The following SLC35F6 variants were observed in gnomAD, a reference collection of about 807,000 sequenced individuals.
The protein encoded by SLC35F6 is solute carrier family 35 member F6, also known as ANT2-binding protein.
In SLC35F6, 26 loss-of-function variants were observed where a neutral mutation model predicts 29.4. The observed-to-expected ratio is 0.89, with a 90% confidence interval of 0.65 to 1.23. SLC35F6 has a LOEUF of 1.23. Ranked by LOEUF, SLC35F6 falls within the 50% of genes most tolerant of loss-of-function variation. The pLI is 0.00. For synonymous variants in SLC35F6, 174 were observed against 206.6 expected, an observed-to-expected ratio of 0.84 and a Z score of 1.35; for missense variants, 428 against 487.8, an observed-to-expected ratio of 0.88 and a Z score of 1.15.
intron 1 of SLC35F6, among the ~76,000 whole-genome samples, chr2:26,773,684 C>T (rs1664244168): frequency 6.6e-6 from 1 of 150,418 alleles, no homozygotes; most frequent in African/African-American, 2.5e-5. Flanking sequence ...GCAATATCGG[C>T]TCACTGCAGC....
At position 26,779,857 on chromosome 2, in the gene SLC35F6, C is replaced by A. The variant is rs892091664; in HGVS notation, c.*1346C>A. 1.5e-5 allele frequency: 2 copies of A among 136,452 alleles called. No individual in the cohort carries two copies. The highest frequency in any genetic ancestry group is 4.5e-4 in the East Asian group (2 of 4,444). 8.5% of individuals were successfully genotyped at this position (136,452 alleles called of 1,614,324 possible). Reference sequence around the variant, plus strand: ...TTTTTTCTTGAGAGACAGGGTCTTGCTCTGTCACCCAGGCACAGCTTACTG... The same window carrying A: ...TTTTTTCTTGAGAGACAGGGTCTTGATCTGTCACCCAGGCACAGCTTACTG... On this transcript the variant is annotated 3_prime_UTR_variant, in exon 6 of 6. Transcript: ENST00000344420.
At chr2:26,771,368 C>A (rs751898126) in intron 1 of SLC35F6, among the ~76,000 whole-genome samples, 1 of 152,214 alleles carries the variant, frequency 6.6e-6, no homozygotes. Flanking sequence ...TCTGATCAAC[C>A]TTCATGGCCT....
rs1664391358 is a variant in SLC35F6, at chr2:26,780,549, A to T, written c.*2038A>T. On this transcript the variant is annotated 3_prime_UTR_variant, in exon 6 of 6. Coordinates refer to ENST00000344420, the MANE Select transcript of SLC35F6 (RefSeq NM_017877.4). The stretch of plus-strand genomic sequence containing the variant: ...TCTTCAGAGGTGGGAACAGATGAAG[A>T]AACCATGCCCCAGAGAAGGTTAAGT... 1 of 152,210 alleles carries T rather than the reference A, an allele frequency of 6.6e-6. No individual in the cohort carries two copies. The highest frequency in any genetic ancestry group is 6.5e-5 in the Admixed American group (1 of 15,280). 9.4% of individuals were successfully genotyped at this position (152,210 alleles called of 1,614,324 possible).
chr2:26,778,173 C>T lies in SLC35F6; in HGVS notation c.778C>T (p.Pro260Ser), dbSNP rs761018960. 20 of 1,614,094 alleles carry T rather than the reference C, an allele frequency of 1.2e-5. No individual in the cohort carries two copies. The East Asian group carries it at 4.5e-4, about 36-fold the overall frequency. ...LDAFCQVGQQ[P>S]LIAVALLGNI... ...CGCCTTCTGCCAGGTGGGCCAGCAG[C>T]CGCTCATTGCCGTGGCACTGCTGGG... Residue 260 changes from proline to serine, a missense_variant, in exon 6 of 6, where the codon CCG (proline) becomes TCG (serine). Transcript: ENST00000344420.
intron 1 of SLC35F6, among the ~76,000 whole-genome samples, chr2:26,769,831 T>G (rs1386797722): frequency 6.6e-6 from 1 of 152,134 alleles, no homozygotes; most frequent in Non-Finnish European, 1.5e-5. Context: ...GAAAATGAGT[T>G]TTGCTGAATA....
In SLC35F6 at chr2:26,764,311, C is replaced by G; in HGVS notation, c.-39C>G. ...GCAGGAGACCCCGGGTGACGGGGCCCGGCGCCGCTAACTGGAGCGAACCCC... is the reference window on the plus strand; with the variant it reads ...GCAGGAGACCCCGGGTGACGGGGCCGGGCGCCGCTAACTGGAGCGAACCCC... On this transcript the variant is annotated 5_prime_UTR_variant, in exon 1 of 6. Transcript: ENST00000344420. The G allele has an allele frequency of 6.5e-7, 1 of 1,546,534 alleles. No homozygotes were observed. Among genetic ancestry groups the G allele is most frequent in the Middle Eastern group, 1.8e-4 (1 of 5,580 alleles).
chr2:26,778,216 CCTTCTTCAACTTCG>C lies in SLC35F6; in HGVS notation c.823_836del (p.Phe275ArgfsTer90), dbSNP rs1664340851. On this transcript the variant is annotated frameshift_variant, in exon 6 of 6. Coordinates refer to ENST00000344420, the MANE Select transcript of SLC35F6 (RefSeq NM_017877.4). LOFTEE classifies it high-confidence loss of function. ...CTGCTGGGCAACATCAGCAGCATTG[CCTTCTTCAACTTCG>C]CAGGCATCAGCGTCACCAAGGAACT... 3 of 1,614,038 alleles carry C rather than the reference CCTTCTTCAACTTCG, an allele frequency of 1.9e-6. No homozygotes were observed. Among genetic ancestry groups the C allele is most frequent in the Admixed American group, 1.7e-5 (1 of 60,000 alleles).
Position 26,765,973 on chromosome 2 carries a change from G to C in SLC35F6, c.77+1547G>C, listed in dbSNP as rs181356092. 3.6e-3 allele frequency among the ~76,000 whole-genome samples: 548 copies of C among 152,350 alleles called. 1 individual carries two copies. The highest frequency in any genetic ancestry group is 3.9e-3 in the Non-Finnish European group (263 of 68,034). ...AGGAGAATCCAGATTGCCAGTTACT[G>C]CTGGGGTAAACTGTGCTGATTCACC... On this transcript the variant is annotated intron_variant, in intron 1 of 5. Coordinates refer to ENST00000344420, the MANE Select transcript of SLC35F6 (RefSeq NM_017877.4).
rs10186142 is a variant in SLC35F6, at chr2:26,780,153, T to C, written c.*1642T>C. The C allele has an allele frequency of 0.37, 55,882 of 151,884 alleles. 10,750 individuals carry two copies. The highest frequency in any genetic ancestry group is 0.47 in the African/African-American group (19,356 of 41,374). 9.4% of individuals were successfully genotyped at this position (151,884 alleles called of 1,614,324 possible). On this transcript the variant is annotated 3_prime_UTR_variant, in exon 6 of 6. Transcript: ENST00000344420. The stretch of plus-strand genomic sequence containing the variant: ...GTTTTCCTGCTCTTACTCTCACCTC[T>C]GAGGCCTCCTCTGCCTGGAAGAGAT...
At chr2:26,776,913 A>G (rs1664311483) in intron 5 of SLC35F6, among the ~76,000 whole-genome samples, 1 of 152,154 alleles carries the variant, frequency 6.6e-6, no homozygotes, top group Admixed American at 6.6e-5. Context: ...AATAATTTTG[A>G]GTGTGGCCAG....
Position 26,775,702 on chromosome 2 carries a change from GC to G in SLC35F6, c.535+27del. The G allele has an allele frequency of 6.5e-7, 1 of 1,537,900 alleles. No homozygotes were observed. The highest frequency in any genetic ancestry group is 8.7e-7 in the Non-Finnish European group (1 of 1,145,248). On this transcript the variant is annotated intron_variant, in intron 4 of 5. Coordinates refer to ENST00000344420, the MANE Select transcript of SLC35F6 (RefSeq NM_017877.4). The surrounding 1 kb of genome is among the most constrained non-coding windows in gnomAD (Gnocchi z 4.6). The stretch of plus-strand genomic sequence containing the variant: ...GTGCGGCCAGGGGCAGGGACACGGG[GC>G]TGCCCTATCCTGCCCTGTCCTCCTT...
rs1342316464 is a variant in SLC35F6, at chr2:26,764,337, A to G, written c.-13A>G. On this transcript the variant is annotated 5_prime_UTR_variant, in exon 1 of 6. Coordinates refer to ENST00000344420, the MANE Select transcript of SLC35F6 (RefSeq NM_017877.4). ...GGCGCCGCTAACTGGAGCGAACCCC[A>G]GCGTCCGCCGACATGGCCTGGACCA... is the stretch of plus-strand genomic sequence containing the variant. 4 of 1,549,610 alleles carry G rather than the reference A, an allele frequency of 2.6e-6. No homozygotes were observed. The highest frequency in any genetic ancestry group is 2.6e-6 in the Non-Finnish European group (3 of 1,146,444).
At chr2:26,767,289 G>T (rs115312034) in intron 1 of SLC35F6, among the ~76,000 whole-genome samples, 2 of 152,226 alleles carry the variant, frequency 1.3e-5, no homozygotes, top group African/African-American at 2.4e-5. Flanking sequence ...CTCTCAGCCA[G>T]CCCAGAGACA....
rs1355874736 is a variant in SLC35F6 at position 26,775,724 on chromosome 2, T to C, written c.535+48T>C. 12 of 1,501,506 alleles carry C rather than the reference T, an allele frequency of 8.0e-6. No individual in the cohort carries two copies. The highest frequency in any genetic ancestry group is 1.1e-5 in the Non-Finnish European group (12 of 1,125,872). 93.0% of individuals were successfully genotyped at this position (1,501,506 alleles called of 1,614,324 possible). On this transcript the variant is annotated intron_variant, in intron 4 of 5. Transcript: ENST00000344420. The surrounding 1 kb of genome is among the most constrained non-coding windows in gnomAD (Gnocchi z 4.6). The stretch of plus-strand genomic sequence containing the variant: ...GGGGCTGCCCTATCCTGCCCTGTCC[T>C]CCTTGGGAGCCCAGCACAGACTCAT...
chr2:26,772,824 C>T (rs1169205425), intron 1 of SLC35F6, among the ~76,000 whole-genome samples: 2 of 152,230 alleles, frequency 1.3e-5, no homozygotes, highest in Non-Finnish European at 2.9e-5. Flanking sequence ...AGAGAATTTT[C>T]ATGCACAGAT....
rs375148795 is a variant in SLC35F6, at chr2:26,764,305, G to T, written c.-45G>T. 7.8e-6 allele frequency: 12 copies of T among 1,545,244 alleles called. 1 individual carries two copies. The Middle Eastern group carries it at 1.3e-3, about 164-fold the overall frequency. ...GCTCGCGCAGGAGACCCCGGGTGAC[G>T]GGGCCCGGCGCCGCTAACTGGAGCG... On this transcript the variant is annotated 5_prime_UTR_variant, in exon 1 of 6. Coordinates refer to ENST00000344420, the MANE Select transcript of SLC35F6 (RefSeq NM_017877.4).
chr2:26,767,552 GCTT>G (rs1480213777), intron 1 of SLC35F6, among the ~76,000 whole-genome samples: 4 of 152,318 alleles, frequency 2.6e-5, no homozygotes, highest in East Asian at 1.9e-4. Flanking sequence ...CTGTGAAGTG[GCTT>G]CTTCTTTCCC....
chr2:26,774,116 C>A, intron 1 of SLC35F6, 135 bp from the exon 2 acceptor site: 1 of 848,614 alleles, frequency 1.2e-6, no homozygotes, highest in Non-Finnish European at 1.9e-6. Context: ...TGAAGACTGA[C>A]CCCTTTGAGA....
In SLC35F6 at chr2:26,775,361, C is replaced by G. The variant is rs973098579; in HGVS notation, c.323-103C>G. 5.9e-6 allele frequency: 9 copies of G among 1,519,688 alleles called. No individual in the cohort carries two copies. In the African/African-American group the frequency reaches 1.1e-4, roughly 19 times the overall value. 94.1% of individuals were successfully genotyped at this position (1,519,688 alleles called of 1,614,324 possible). A position where few individuals can be genotyped will look rare whatever the true frequency, so the allele number is the denominator to read the frequency against. ...GCACAGGCACACAGGCAGGACTGAT[C>G]GAGCGCTTACTATGAGCTTGGCATG... On this transcript the variant is annotated intron_variant, in intron 3 of 5. Transcript: ENST00000344420. This position sits in a 1 kb window ranked among gnomAD's most constrained non-coding sequence, Gnocchi z 4.6.
Sources: allele counts gnomAD v4.1 joint callset (sites outside exome capture counted in the v4.1 genomes callset), GRCh38; gene constraint gnomAD v4.1.1; non-coding constraint Gnocchi (gnomAD v3.1); transcripts MANE v1.5; gene names NCBI Gene and HGNC (gene_info 2026-07-23, HGNC 2026-07-21).